Variants in CADPS2 observed in about 807,000 individuals in gnomAD.
CADPS2 encodes the protein calcium dependent secretion activator 2, also known as calcium-dependent secretion activator 2.
CADPS2 carries 93 observed loss-of-function variants against 172.5 expected under a neutral mutation model. That is an observed-to-expected ratio of 0.54 (90% CI 0.46 to 0.64). The LOEUF (loss-of-function observed/expected upper bound fraction) is 0.64, where lower values mean the gene tolerates loss of function less well. Ranked by LOEUF, CADPS2 falls within the 30% of genes least tolerant of loss-of-function variation. The pLI, the probability that CADPS2 is intolerant of heterozygous loss-of-function variation, is 0.00. For missense variants in CADPS2, 1,420 were observed against 1,565.9 expected, an observed-to-expected ratio of 0.91 and a Z score of 1.57; for synonymous variants, 546 against 555.2, an observed-to-expected ratio of 0.98 and a Z score of 0.23.
chr7:122,349,401 C>T (rs903638398), intron 27 of CADPS2, among the ~76,000 whole-genome samples: 2 of 152,040 alleles, frequency 1.3e-5, no homozygotes, highest in Non-Finnish European at 2.9e-5. Flanking sequence ...ATTTAAACCT[C>T]CAGGATCCTT....
chr7:122,604,831 T>C (rs2073278686), intron 6 of CADPS2, among the ~76,000 whole-genome samples: 1 of 152,130 alleles, frequency 6.6e-6, no homozygotes. Flanking sequence ...GGAATCTAAC[T>C]ACAGTCATGC....
chr7:122,616,303 C>T (rs2074913241), intron 5 of CADPS2, among the ~76,000 whole-genome samples: 1 of 151,998 alleles, frequency 6.6e-6, no homozygotes, highest in African/African-American at 2.4e-5. Flanking sequence ...CTATCATAAA[C>T]ATAATCTGTA....
chr7:122,370,120 A>C (rs2041579094), intron 25 of CADPS2, among the ~76,000 whole-genome samples: 1 of 152,062 alleles, frequency 6.6e-6, no homozygotes, highest in South Asian at 2.1e-4. Flanking sequence ...AACTCAGCTC[A>C]AGCTTCACTT....
intron 1 of CADPS2, chr7:122,850,192 G>A: frequency 9.1e-7 from 1 of 1,093,494 alleles, no homozygotes; most frequent in South Asian, 2.6e-5. Flanking sequence ...TGCTGATAGA[G>A]TACCCTGAGG....
intron 20 of CADPS2, among the ~76,000 whole-genome samples, chr7:122,404,609 A>G (rs962503854): frequency 1.3e-5 from 2 of 152,174 alleles, no homozygotes; most frequent in Non-Finnish European, 2.9e-5. Flanking sequence ...AGTCCCGCCA[A>G]CAGTGGAAAG....
chr7:122,526,678 T>C (rs2061264993), intron 8 of CADPS2, among the ~76,000 whole-genome samples: 1 of 152,232 alleles, frequency 6.6e-6, no homozygotes, highest in South Asian at 2.1e-4. Context: ...GAGTCTCATA[T>C]TTCCCATTTA....
intron 3 of CADPS2, among the ~76,000 whole-genome samples, chr7:122,636,346 C>A (rs2134347267): frequency 6.6e-6 from 1 of 151,986 alleles, no homozygotes; most frequent in South Asian, 2.1e-4. Context: ...ATTTCTCCTT[C>A]ACTTAGGAAG....
chr7:122,827,882 G>A (rs1805404334), intron 1 of CADPS2, among the ~76,000 whole-genome samples: 1 of 152,234 alleles, frequency 6.6e-6, no homozygotes, highest in Non-Finnish European at 1.5e-5. Context: ...TCTACACTAT[G>A]GTGAAGTGGA....
At chr7:122,725,718 C>T (rs1401146140) in intron 2 of CADPS2, among the ~76,000 whole-genome samples, 3 of 151,710 alleles carry the variant, frequency 2.0e-5, no homozygotes, top group African/African-American at 7.3e-5. Context: ...CACTTGAGCC[C>T]AGGAGTTTGA....
Position 122,463,324 on chromosome 7 carries a change from A to AT in CADPS2, c.2186+8050dup, listed in dbSNP as rs11293067. ...TAACCAAAAATCTTCATATTCTTAGATTTTTTTTTTTTTGAGGTGGAGTCT... is the reference window on the plus strand; with the variant it reads ...TAACCAAAAATCTTCATATTCTTAGATTTTTTTTTTTTTTGAGGTGGAGTCT... On this transcript the variant is annotated intron_variant, in intron 14 of 29. Coordinates refer to ENST00000449022, the MANE Select transcript of CADPS2 (RefSeq NM_017954.11). Among the ~76,000 whole-genome samples, 785 of 147,784 alleles carry AT rather than the reference A, an allele frequency of 5.3e-3. 15 individuals carry two copies. The highest frequency in any genetic ancestry group is 0.017 in the East Asian group (83 of 5,018).
intron 1 of CADPS2, among the ~76,000 whole-genome samples, chr7:122,819,682 A>G (rs1802557586): frequency 6.6e-6 from 1 of 152,026 alleles, no homozygotes; most frequent in Admixed American, 6.6e-5. Flanking sequence ...TTCCCTTATT[A>G]GGCTGAGACA....
Position 122,490,159 on chromosome 7 carries a change from A to T in CADPS2, c.1774T>A (p.Ser592Thr). 1 of 1,613,504 alleles carries T rather than the reference A, an allele frequency of 6.2e-7. No individual in the cohort carries two copies. Among genetic ancestry groups the T allele is most frequent in the African/African-American group, 1.3e-5 (1 of 75,014 alleles). The change falls in exon 11 of 30, where the codon TCA becomes ACA. Residue 592 changes from serine to threonine, a missense_variant. Coordinates refer to ENST00000449022, the MANE Select transcript of CADPS2 (RefSeq NM_017954.11). ...TGAATTGCAGGAACTGGTTTATATG[A>T]TTGACCTGTGGCCCTATACATGGCT... ...VQAMYRATGQSYKPVPAIQTQ... is the reference protein window; with the variant it reads ...VQAMYRATGQTYKPVPAIQTQ...
At chr7:122,812,111 T>C (rs1563075834) in intron 1 of CADPS2, among the ~76,000 whole-genome samples, 1 of 152,082 alleles carries the variant, frequency 6.6e-6, no homozygotes, top group South Asian at 2.1e-4. Flanking sequence ...TGTCCTAATG[T>C]CTTCCCCAGG....
At chr7:122,617,124 T>A (rs1043145226) in intron 5 of CADPS2, among the ~76,000 whole-genome samples, 30 of 152,196 alleles carry the variant, frequency 2.0e-4, no homozygotes, top group Admixed American at 2.0e-3. Flanking sequence ...ACATTATTTC[T>A]GTCACCTCTA....
Position 122,776,100 on chromosome 7 carries a change from T to C in CADPS2, c.340-39032A>G, listed in dbSNP as rs149207979. On this transcript the variant is annotated intron_variant, in intron 1 of 29. Coordinates refer to ENST00000449022, the MANE Select transcript of CADPS2 (RefSeq NM_017954.11). ...ATATACCAACTATATGGTTTGGCTG[T>C]GTCCCCACCCAAATCTCATATTGAA... 1.3e-3 allele frequency among the ~76,000 whole-genome samples: 194 copies of C among 152,326 alleles called. 4 individuals carry two copies. The East Asian group carries it at 0.035, about 28-fold the overall frequency.
intron 25 of CADPS2, among the ~76,000 whole-genome samples, chr7:122,375,374 G>A (rs1419010991): frequency 6.6e-6 from 1 of 151,868 alleles, no homozygotes; most frequent in African/African-American, 2.4e-5. Flanking sequence ...TGTAAACAAC[G>A]TTACTGGCAT....
In CADPS2 at chr7:122,320,003, G is replaced by T; in HGVS notation, c.*162C>A. 1 of 640,456 alleles carries T rather than the reference G, an allele frequency of 1.6e-6. No individual in the cohort carries two copies. The highest frequency in any genetic ancestry group is 2.3e-6 in the Non-Finnish European group (1 of 437,420). 39.7% of individuals were successfully genotyped at this position (640,456 alleles called of 1,614,324 possible). A position where few individuals can be genotyped will look rare whatever the true frequency, so the allele number is the denominator to read the frequency against. On this transcript the variant is annotated 3_prime_UTR_variant, in exon 30 of 30. Transcript: ENST00000449022. Reference sequence around the variant, plus strand: ...GGAAACAAAAAAACCCCAAAATCTTGGCATTTCCCCTTTTACTCTACATTC... The same window carrying T: ...GGAAACAAAAAAACCCCAAAATCTTTGCATTTCCCCTTTTACTCTACATTC...
intron 6 of CADPS2, among the ~76,000 whole-genome samples, chr7:122,591,461 T>G (rs1395353063): frequency 6.6e-6 from 1 of 152,124 alleles, no homozygotes; most frequent in African/African-American, 2.4e-5. Context: ...ACCAATGACT[T>G]TCTTCACAGA....
intron 8 of CADPS2, among the ~76,000 whole-genome samples, chr7:122,541,798 C>G (rs1283899702): frequency 1.1e-5 from 1 of 88,920 alleles, no homozygotes; most frequent in Non-Finnish European, 2.7e-5. Context: ...TTTATATATT[C>G]ATATATATTT....
Sources: gnomAD v4.1 joint callset for allele counts (sites outside exome capture counted in the v4.1 genomes callset) on GRCh38, gnomAD v4.1.1 for gene constraint, MANE v1.5 for transcripts, NCBI Gene and HGNC (gene_info 2026-07-23, HGNC 2026-07-21) for gene names.